Variants in PDE11A observed in about 807,000 individuals in gnomAD.
PDE11A encodes phosphodiesterase 11A, also known as dual 3',5'-cyclic-AMP and -GMP phosphodiesterase 11A.
In PDE11A, 100 loss-of-function variants were observed where a neutral mutation model predicts 100.5. That is an observed-to-expected ratio of 1.00 (90% CI 0.85 to 1.18). PDE11A has a LOEUF of 1.18. Among genes scored for constraint, PDE11A ranks in the 50% most tolerant of loss-of-function variants. The pLI is 0.00. For missense variants in PDE11A, 1,141 were observed against 1,152.6 expected (o/e 0.99, Z 0.15); for synonymous variants, 381 against 420.8 (o/e 0.91, Z 1.16).
chr2:177,638,475 T>A (rs1211962032), intron 19 of PDE11A, among the ~76,000 whole-genome samples: 1 of 152,006 alleles, frequency 6.6e-6, no homozygotes, highest in East Asian at 1.9e-4. Flanking sequence ...ATCTATATAA[T>A]CTCTGAATTT....
chr2:178,003,162 A>G (rs940628121), intron 2 of PDE11A, among the ~76,000 whole-genome samples: 18 of 152,190 alleles, frequency 1.2e-4, no homozygotes, highest in Non-Finnish European at 2.5e-4. Context: ...GTTAAACACT[A>G]GAGTTATTTT....
intron 17 of PDE11A, among the ~76,000 whole-genome samples, chr2:177,673,313 AG>A (rs1487622569): frequency 6.6e-6 from 1 of 152,214 alleles, no homozygotes; most frequent in East Asian, 1.9e-4. Flanking sequence ...AAAGCTAAGA[AG>A]GGTGATGGGA....
intron 15 of PDE11A, chr2:177,687,918 A>G (rs2080977950): frequency 6.6e-6 from 1 of 152,206 alleles, no homozygotes; most frequent in South Asian, 2.1e-4. Flanking sequence ...GCCAATAAAA[A>G]TTACTACCGT....
intron 18 of PDE11A, 91 bp downstream of exon 18, chr2:177,669,402 A>C (rs528635586): frequency 1.3e-6 from 1 of 756,048 alleles, no homozygotes; most frequent in Non-Finnish European, 2.4e-6. Flanking sequence ...ACCCATTTTC[A>C]GTCTTTCCCA....
intron 9 of PDE11A, among the ~76,000 whole-genome samples, chr2:177,773,706 G>A (rs180703213): frequency 6.6e-6 from 1 of 152,168 alleles, no homozygotes; most frequent in Non-Finnish European, 1.5e-5. Context: ...ACCAGTAGAG[G>A]GGGGAGAGAA....
At chr2:177,632,709 T>C (rs1225096692) in intron 19 of PDE11A, among the ~76,000 whole-genome samples, 1 of 152,234 alleles carries the variant, frequency 6.6e-6, no homozygotes, top group Non-Finnish European at 1.5e-5. Context: ...TATTTCACTT[T>C]ATTTCCCCTT....
chr2:177,762,779 T>C (rs2082187030), intron 10 of PDE11A, among the ~76,000 whole-genome samples: 1 of 152,132 alleles, frequency 6.6e-6, no homozygotes, highest in Non-Finnish European at 1.5e-5. Flanking sequence ...CGCTTTGTTT[T>C]CAAATAGAAA....
At chr2:178,057,116 C>G (rs1046955092) in intron 1 of PDE11A, among the ~76,000 whole-genome samples, 1 of 152,172 alleles carries the variant, frequency 6.6e-6, no homozygotes, top group African/African-American at 2.4e-5. Context: ...ATGCATTTAA[C>G]TATTCCTTTG....
chr2:178,055,904 T>A (rs1338569353), intron 1 of PDE11A, among the ~76,000 whole-genome samples: 1 of 152,188 alleles, frequency 6.6e-6, no homozygotes, highest in Non-Finnish European at 1.5e-5. Context: ...GAAAAAAAAG[T>A]ATCTTTCATA....
intron 5 of PDE11A, among the ~76,000 whole-genome samples, chr2:177,874,394 C>T (rs1288811200): frequency 2.0e-5 from 3 of 152,178 alleles, no homozygotes; most frequent in African/African-American, 7.2e-5. Flanking sequence ...TCATCATTGT[C>T]ATCATCATCA....
intron 2 of PDE11A, chr2:177,922,654 G>GCTTCCTTTAATCATCA: frequency 1.0e-6 from 1 of 974,776 alleles, no homozygotes; most frequent in Non-Finnish European, 1.2e-6. Flanking sequence ...AACATTGTCT[G>GCTTCCTTTAATCATCA]CTTCCTTTAA....
intron 9 of PDE11A, among the ~76,000 whole-genome samples, chr2:177,799,287 G>T (rs1558944556): frequency 6.6e-6 from 1 of 152,054 alleles, no homozygotes; most frequent in Non-Finnish European, 1.5e-5. Context: ...ATTTGGTTAA[G>T]ATTAAGGAAA....
intron 2 of PDE11A, among the ~76,000 whole-genome samples, chr2:178,085,691 G>A (rs926844366): frequency 5.9e-5 from 9 of 152,182 alleles, no homozygotes; most frequent in Non-Finnish European, 1.3e-4. Context: ...TATAAGCAGG[G>A]ATTCAAGGGA....
intron 7 of PDE11A, among the ~76,000 whole-genome samples, chr2:177,818,830 C>T (rs2083087072): frequency 6.6e-6 from 1 of 151,538 alleles, no homozygotes; most frequent in African/African-American, 2.4e-5. Context: ...TCTTGAAAAC[C>T]ACTAGCCTGT....
intron 5 of PDE11A, among the ~76,000 whole-genome samples, chr2:177,841,091 A>G (rs2083483842): frequency 2.6e-5 from 4 of 152,206 alleles, no homozygotes; most frequent in Admixed American, 2.0e-4. Context: ...TGAACAAGGA[A>G]TTTTATGCCA....
At chr2:177,799,919 G>C (rs1218914042) in intron 9 of PDE11A, among the ~76,000 whole-genome samples, 1 of 151,952 alleles carries the variant, frequency 6.6e-6, no homozygotes, top group East Asian at 1.9e-4. Context: ...TGGGGGGTGG[G>C]GGATGTTATA....
At chr2:177,785,743 A>G (rs879044099) in intron 9 of PDE11A, among the ~76,000 whole-genome samples, 1 of 151,476 alleles carries the variant, frequency 6.6e-6, no homozygotes, top group Non-Finnish European at 1.5e-5. Context: ...TATCCCACAC[A>G]TGGCTCGGAG....
chr2:178,072,398 A>C lies in PDE11A; in HGVS notation c.40T>G (p.Phe14Val). 1 of 1,613,686 alleles carries C rather than the reference A, an allele frequency of 6.2e-7. No homozygotes were observed. The highest frequency in any genetic ancestry group is 1.6e-4 in the Middle Eastern group (1 of 6,062). Residue 14 changes from phenylalanine to valine, a missense_variant, in exon 1 of 20, where the codon TTC becomes GTC. Phe to Val is a conservative substitution (Grantham distance 50). Transcript: ENST00000286063. ...AACAACTCTGGGTGCCTGTCCAGGA[A>C]AGTTTCCACCTCCCCAAAGTCCAGG... Reference protein sequence around the residue: ...SRLDFGEVETFLDRHPELFED... With the variant: ...SRLDFGEVETVLDRHPELFED...
intron 2 of PDE11A, among the ~76,000 whole-genome samples, chr2:178,007,092 C>T (rs2105821995): frequency 6.6e-6 from 1 of 152,218 alleles, no homozygotes; most frequent in Non-Finnish European, 1.5e-5. Flanking sequence ...ATTTTATTCC[C>T]ACTACATCTA....
Sources: allele counts gnomAD v4.1 joint callset (sites outside exome capture counted in the v4.1 genomes callset), GRCh38; gene constraint gnomAD v4.1.1; transcripts MANE v1.5; gene names NCBI Gene and HGNC (gene_info 2026-07-23, HGNC 2026-07-21).